The following EPHA6 variants were observed in gnomAD, a reference collection of about 807,000 sequenced individuals.
The protein encoded by EPHA6 is EPH receptor A6.
A neutral mutation model predicts 112.0 loss-of-function variants in EPHA6; 50 were observed. The observed-to-expected ratio is 0.45, with a 90% CI of 0.36 to 0.56. The LOEUF is 0.56. Ranked by LOEUF, EPHA6 falls within the 20% of genes least tolerant of loss-of-function variation. The pLI is 0.00. For missense variants in EPHA6, 1,280 were observed against 1,417.4 expected, an observed-to-expected ratio of 0.90 and a Z score of 1.56; for synonymous variants, 529 against 490.7, an observed-to-expected ratio of 1.08 and a Z score of -1.03.
intron 5 of EPHA6, among the ~76,000 whole-genome samples, chr3:97,318,452 ACAAGT>A (rs1333179429): frequency 1.3e-5 from 2 of 152,008 alleles, no homozygotes; most frequent in Non-Finnish European, 2.9e-5. Context: ...GTGTTCTTGA[ACAAGT>A]AGATTTTAAT....
intron 14 of EPHA6, among the ~76,000 whole-genome samples, chr3:97,679,804 T>G (rs2107679002): frequency 6.6e-6 from 1 of 152,276 alleles, no homozygotes; most frequent in East Asian, 1.9e-4. Flanking sequence ...TGTTCAGTAT[T>G]ACACTCTTGG....
chr3:97,277,839 G>T (rs2080146542), intron 5 of EPHA6, among the ~76,000 whole-genome samples: 1 of 152,208 alleles, frequency 6.6e-6, no homozygotes, highest in African/African-American at 2.4e-5. Flanking sequence ...GTGAGTGAAT[G>T]TGAAGGCCTA....
At chr3:97,348,598 T>A (rs1295037053) in intron 5 of EPHA6, among the ~76,000 whole-genome samples, 1 of 152,064 alleles carries the variant, frequency 6.6e-6, no homozygotes, top group Non-Finnish European at 1.5e-5. Context: ...CAACTAATTA[T>A]GCATAACTAG....
At chr3:97,627,284 G>T (rs2093865857) in intron 13 of EPHA6, among the ~76,000 whole-genome samples, 1 of 151,850 alleles carries the variant, frequency 6.6e-6, no homozygotes, top group African/African-American at 2.4e-5. Flanking sequence ...AGAGAAAAAA[G>T]AATTCAGCAA....
chr3:97,741,099 C>T (rs1559641025), intron 16 of EPHA6, among the ~76,000 whole-genome samples: 1 of 152,078 alleles, frequency 6.6e-6, no homozygotes, highest in Non-Finnish European at 1.5e-5. Context: ...ACCTGTAATC[C>T]TGACCCTTTG....
intron 12 of EPHA6, among the ~76,000 whole-genome samples, chr3:97,604,762 A>G (rs1212026642): frequency 6.6e-6 from 1 of 151,598 alleles, no homozygotes; most frequent in East Asian, 1.9e-4. Context: ...TGAAATTTGA[A>G]TTTTTCTGTC....
intron 10 of EPHA6, among the ~76,000 whole-genome samples, chr3:97,496,647 A>C (rs1388304927): frequency 2.0e-5 from 3 of 152,098 alleles, no homozygotes; most frequent in Non-Finnish European, 4.4e-5. Flanking sequence ...TCTTAGGTGA[A>C]TTTGGCTGTG....
At chr3:97,480,540 G>A (rs1206744344) in intron 9 of EPHA6, among the ~76,000 whole-genome samples, 9 of 151,710 alleles carry the variant, frequency 5.9e-5, no homozygotes, top group Admixed American at 2.0e-4. Context: ...AGAGAGCAAG[G>A]GGTTGGGGGT....
At chr3:97,276,921 G>C (rs556083677) in intron 5 of EPHA6, among the ~76,000 whole-genome samples, 4 of 152,154 alleles carry the variant, frequency 2.6e-5, no homozygotes, top group Admixed American at 6.5e-5. Context: ...AGGGCTAGTC[G>C]TGGAACGAAA....
At chr3:97,414,143 A>G (rs1366891136) in intron 6 of EPHA6, among the ~76,000 whole-genome samples, 2 of 152,094 alleles carry the variant, frequency 1.3e-5, no homozygotes, top group Non-Finnish European at 2.9e-5. Flanking sequence ...AAATCTATAT[A>G]AAATAATGGT....
At chr3:97,462,367 C>T (rs1387482322) in intron 7 of EPHA6, among the ~76,000 whole-genome samples, 4 of 152,052 alleles carry the variant, frequency 2.6e-5, no homozygotes, top group Non-Finnish European at 5.9e-5. Context: ...GAATCAGCTG[C>T]TACTCCCCTA....
At chr3:97,426,424 T>C (rs2089130623) in intron 6 of EPHA6, among the ~76,000 whole-genome samples, 1 of 152,192 alleles carries the variant, frequency 6.6e-6, no homozygotes, top group Non-Finnish European at 1.5e-5. Flanking sequence ...ACCACCCCCA[T>C]AATTCAATTA....
At chr3:97,591,329 T>C (rs2093542530) in intron 11 of EPHA6, among the ~76,000 whole-genome samples, 1 of 152,208 alleles carries the variant, frequency 6.6e-6, no homozygotes, top group South Asian at 2.1e-4. Context: ...GCCCAGTTCC[T>C]TTAATTCTGA....
rs568062673 is a variant in EPHA6 at position 97,290,623 on chromosome 3, T to A, written c.1606+46336T>A. On this transcript the variant is annotated intron_variant, in intron 5 of 17. Transcript: ENST00000389672. The stretch of plus-strand genomic sequence containing the variant: ...AATTCAATCTTGGTTGGTTGTGTTA[T>A]CAAAAATTTACCTATTTATCCTAGG... Among the ~76,000 whole-genome samples the A allele has an allele frequency of 2.0e-5, 3 of 152,274 alleles. No homozygotes were observed. In the South Asian group the frequency reaches 6.2e-4, roughly 32 times the overall value.
At chr3:97,119,037 A>G (rs1427282606) in intron 3 of EPHA6, among the ~76,000 whole-genome samples, 1 of 151,962 alleles carries the variant, frequency 6.6e-6, no homozygotes. Flanking sequence ...GCTAGCCTTC[A>G]TATCAATACC....
intron 3 of EPHA6, among the ~76,000 whole-genome samples, chr3:97,025,142 A>G (rs973192660): frequency 7.9e-5 from 12 of 152,348 alleles, no homozygotes; most frequent in Non-Finnish European, 1.2e-4. Flanking sequence ...TACCTATGTC[A>G]TGAGATTTTT....
chr3:97,060,670 G>A (rs1029261274), intron 3 of EPHA6, among the ~76,000 whole-genome samples: 1 of 152,012 alleles, frequency 6.6e-6, no homozygotes, highest in Non-Finnish European at 1.5e-5. Context: ...CCAGCACTTT[G>A]GGAGGCCGAG....
At chr3:97,208,879 TGAAAACTTACCCATG>T (rs2077788434) in intron 3 of EPHA6, among the ~76,000 whole-genome samples, 1 of 152,192 alleles carries the variant, frequency 6.6e-6, no homozygotes, top group Non-Finnish European at 1.5e-5. Flanking sequence ...ACATATTATG[TGAAAACTTACCCATG>T]GAGAAGATGG....
intron 2 of EPHA6, among the ~76,000 whole-genome samples, chr3:96,886,951 ACTAT>A (rs1160059790): frequency 6.6e-6 from 1 of 152,058 alleles, no homozygotes; most frequent in Middle Eastern, 3.4e-3. Flanking sequence ...TTTTCTTTAA[ACTAT>A]CTATTTTCTT....
Sources: allele counts gnomAD v4.1 joint callset (sites outside exome capture counted in the v4.1 genomes callset), GRCh38; gene constraint gnomAD v4.1.1; transcripts MANE v1.5; gene names NCBI Gene and HGNC (gene_info 2026-07-23, HGNC 2026-07-21).